The following FADS1 variants were observed in gnomAD, a reference collection of about 807,000 sequenced individuals.
FADS1 encodes the protein acyl-CoA (8-3)-desaturase.
In FADS1, 17 loss-of-function variants were observed where a neutral mutation model predicts 61.6. The observed-to-expected ratio is 0.28, with a 90% CI of 0.19 to 0.41. FADS1 has a LOEUF of 0.41. Among genes scored for constraint, FADS1 ranks in the 10% least tolerant of loss-of-function variants. The pLI, the probability that FADS1 is intolerant of heterozygous loss-of-function variation, is 1.00. For missense variants in FADS1, 387 were observed against 650.9 expected (o/e 0.59, Z 4.41); for synonymous variants, 238 against 258.7 (o/e 0.92, Z 0.77).
In FADS1 at chr11:61,802,602, G is replaced by T. The variant is rs2066864049; in HGVS notation, c.1455-140C>A. 2 of 1,188,238 alleles carry T rather than the reference G, an allele frequency of 1.7e-6. No homozygotes were observed. Among genetic ancestry groups the T allele is most frequent in the African/African-American group, 1.5e-5 (1 of 65,832 alleles). The allele number at this position is 1,188,238 out of a possible 1,614,324, so 73.6% of individuals were successfully genotyped here. ...TTTAGAGAAAGCTAGCTTGGGCCAT[G>T]GTACTGAGGGGAACCCCAATGAGGG... On this transcript the variant is annotated intron_variant, in intron 11 of 11. Transcript: ENST00000350997. The surrounding 1 kb of genome is among the most constrained non-coding windows in gnomAD (Gnocchi z 4.2).
intron 5 of FADS1, among the ~76,000 whole-genome samples, chr11:61,807,362 C>A (rs966028737): frequency 2.0e-5 from 3 of 152,200 alleles, no homozygotes; most frequent in Non-Finnish European, 2.9e-5. Context: ...GGCAGTGCGC[C>A]CGGCCGCCAT....
intron 5 of FADS1, among the ~76,000 whole-genome samples, chr11:61,809,320 A>G (rs1473032525): frequency 6.6e-6 from 1 of 151,364 alleles, no homozygotes; most frequent in Non-Finnish European, 1.5e-5. Flanking sequence ...TCTGTTTACA[A>G]TTTTTTTTTG....
rs1591148581 is a variant in FADS1 at position 61,801,502 on chromosome 11, G to A, written c.*909C>T. On this transcript the variant is annotated 3_prime_UTR_variant, in exon 12 of 12. Transcript: ENST00000350997. ...TAGCCAGCAACTCTCTCTACCATCT[G>A]TTTTGGTAAGAGCTAGCACCTCTTG... 1.3e-5 allele frequency: 2 copies of A among 152,484 alleles called. No homozygotes were observed. The highest frequency in any genetic ancestry group is 1.3e-4 in the Admixed American group (2 of 15,308). The allele number at this position is 152,484 out of a possible 1,614,324, so 9.4% of individuals were successfully genotyped here. A position where few individuals can be genotyped will look rare whatever the true frequency, so the allele number is the denominator to read the frequency against.
chr11:61,802,551 C>T lies in FADS1; in HGVS notation c.1455-89G>A. 1 of 1,341,364 alleles carries T rather than the reference C, an allele frequency of 7.5e-7. No homozygotes were observed. Among genetic ancestry groups the T allele is most frequent in the Non-Finnish European group, 1.0e-6 (1 of 957,602 alleles). 83.1% of individuals were successfully genotyped at this position (1,341,364 alleles called of 1,614,324 possible). On this transcript the variant is annotated intron_variant, in intron 11 of 11. Transcript: ENST00000350997. The surrounding 1 kb of genome is among the most constrained non-coding windows in gnomAD (Gnocchi z 4.2). ...GAGCAGTGAGGTTAAGGCCTTCTTC[C>T]ATCTGGAGGTTTTCCTCCCCTCTAC...
chr11:61,806,553 C>T (rs2066896053), intron 6 of FADS1, 111 bp downstream of exon 6: 2 of 980,894 alleles, frequency 2.0e-6, no homozygotes, highest in East Asian at 2.4e-5. Flanking sequence ...TGGGGTACTT[C>T]CTCTAGCCCC....
chr11:61,812,526 A>G lies in FADS1; in HGVS notation c.629T>C (p.Phe210Ser). Residue 210 changes from phenylalanine to serine, a missense_variant, in exon 3 of 12, where the codon TTT (phenylalanine) becomes TCT (serine). By Grantham distance (155) the Phe-to-Ser change is radical. Transcript: ENST00000350997. ...GAGGAAGGGCAAAAAGGACGTCCCAAAGACCCAAAGGGTGAGCCAGGCTGC... is the reference window on the plus strand; with the variant it reads ...GAGGAAGGGCAAAAAGGACGTCCCAGAGACCCAAAGGGTGAGCCAGGCTGC... Reference protein sequence around the residue: ...DGAAWLTLWVFGTSFLPFLLC... With the variant: ...DGAAWLTLWVSGTSFLPFLLC... 1 of 1,614,116 alleles carries G rather than the reference A, an allele frequency of 6.2e-7. No individual in the cohort carries two copies. The highest frequency in any genetic ancestry group is 8.5e-7 in the Non-Finnish European group (1 of 1,180,032).
At chr11:61,807,780 A>C (rs2066903761) in intron 5 of FADS1, among the ~76,000 whole-genome samples, 1 of 152,210 alleles carries the variant, frequency 6.6e-6, no homozygotes, top group African/African-American at 2.4e-5. Flanking sequence ...CCAGACAACC[A>C]CAAGGGCACA....
Position 61,800,498 on chromosome 11 carries a change from T to G in FADS1, c.*1913A>C, listed in dbSNP as rs2066848989. On this transcript the variant is annotated 3_prime_UTR_variant, in exon 12 of 12. Coordinates refer to ENST00000350997, the MANE Select transcript of FADS1 (RefSeq NM_013402.7). ...GTTGACAAACCTCTAATCTTCCATG[T>G]CTTTGTGTTGACAAACCTAACCTTC... 1 of 152,336 alleles carries G rather than the reference T, an allele frequency of 6.6e-6. No individual in the cohort carries two copies. The highest frequency in any genetic ancestry group is 1.5e-5 in the Non-Finnish European group (1 of 68,034). The allele number at this position is 152,336 out of a possible 1,614,324, so 9.4% of individuals were successfully genotyped here.
intron 3 of FADS1, 88 bp downstream of exon 3, chr11:61,812,383 G>A (rs1342452131): frequency 1.7e-6 from 2 of 1,207,522 alleles, no homozygotes; most frequent in Non-Finnish European, 2.4e-6. Flanking sequence ...TTGGAGGGCA[G>A]GCACTCTTGG....
intron 5 of FADS1, among the ~76,000 whole-genome samples, chr11:61,809,229 C>T (rs1591152553): frequency 6.6e-6 from 1 of 152,104 alleles, no homozygotes; most frequent in African/African-American, 2.4e-5. Context: ...TGTCGGCACC[C>T]GAAGGAGGCC....
At chr11:61,804,616 G>T in intron 7 of FADS1, 69 bp downstream of exon 7, 1 of 1,327,134 alleles carries the variant, frequency 7.5e-7, no homozygotes, top group East Asian at 2.3e-5. Flanking sequence ...GTTTCCCCTG[G>T]GGAACCCCTA....
chr11:61,813,382 G>A, intron 1 of FADS1, 29 bp from the exon 2 acceptor site: 1 of 1,365,888 alleles, frequency 7.3e-7, no homozygotes, highest in Non-Finnish European at 1.0e-6. Context: ...GATGAAAGGT[G>A]AGGGAGCCAG....
Position 61,803,791 on chromosome 11 carries a change from A to G in FADS1, c.1054-24T>C, listed in dbSNP as rs770295465. 3.2e-6 allele frequency: 5 copies of G among 1,563,240 alleles called. No homozygotes were observed. Among genetic ancestry groups the G allele is most frequent in the Admixed American group, 3.3e-5 (2 of 59,928 alleles). On this transcript the variant is annotated intron_variant, in intron 7 of 11. Transcript: ENST00000350997. The surrounding 1 kb of genome is among the most constrained non-coding windows in gnomAD (Gnocchi z 4.3). The stretch of plus-strand genomic sequence containing the variant: ...TCCTATAGTGAGAAAAGCAGCGAGC[A>G]TAACAGTCACGAACAACTCTTCCTC...
At position 61,816,645 on chromosome 11, in the gene FADS1, G is replaced by T; in HGVS notation, c.285C>A (p.Ile95=). 6.2e-7 allele frequency: 1 copy of T among 1,603,522 alleles called. No homozygotes were observed. The highest frequency in any genetic ancestry group is 1.1e-5 in the South Asian group (1 of 89,562). The change falls in exon 1 of 12, where the codon ATC becomes ATA. Residue 95 remains isoleucine, a synonymous_variant. Transcript: ENST00000350997. The surrounding 1 kb of genome is among the most constrained non-coding windows in gnomAD (Gnocchi z 7.0). ...CGCTGATGTTGTACACCTTACGGTC[G>T]ATCACTAGCCACCGCTCCTCGCACC... is the stretch of plus-strand genomic sequence containing the variant. The part of the protein sequence containing the change: ...RSGCEERWLV[I]DRKVYNISEF...
At position 61,802,163 on chromosome 11, in the gene FADS1, AAG is replaced by A. The variant is rs1230248917; in HGVS notation, c.*246_*247del. 1.9e-6 allele frequency: 1 copy of A among 514,072 alleles called. No individual in the cohort carries two copies. Among genetic ancestry groups the A allele is most frequent in the East Asian group, 3.3e-5 (1 of 30,600 alleles). 31.8% of individuals were successfully genotyped at this position (514,072 alleles called of 1,614,324 possible). ...CTACCTGCATGTGCCAAACTAGAAA[AAG>A]GAAATAATTTACACCCCTGCCCCAA... is the stretch of plus-strand genomic sequence containing the variant. On this transcript the variant is annotated 3_prime_UTR_variant, in exon 12 of 12. Coordinates refer to ENST00000350997, the MANE Select transcript of FADS1 (RefSeq NM_013402.7). This position sits in a 1 kb window ranked among gnomAD's most constrained non-coding sequence, Gnocchi z 4.2.
chr11:61,803,606 G>T lies in FADS1; in HGVS notation c.1151+64C>A. The stretch of plus-strand genomic sequence containing the variant: ...ACCCAAAGCCCCAGCACGGCCCCTA[G>T]ACCAGACTGGTCACTCCCCAACATT... On this transcript the variant is annotated intron_variant, in intron 8 of 11. Coordinates refer to ENST00000350997, the MANE Select transcript of FADS1 (RefSeq NM_013402.7). This position sits in a 1 kb window ranked among gnomAD's most constrained non-coding sequence, Gnocchi z 4.3. The T allele has an allele frequency of 1.4e-6, 2 of 1,451,148 alleles. No individual in the cohort carries two copies. The highest frequency in any genetic ancestry group is 1.1e-5 in the South Asian group (1 of 87,712). The allele number at this position is 1,451,148 out of a possible 1,614,324, so 89.9% of individuals were successfully genotyped here.
rs781674712 is a variant in FADS1, at chr11:61,803,786, C to T, written c.1054-19G>A. 1.8e-5 allele frequency: 28 copies of T among 1,577,934 alleles called. No individual in the cohort carries two copies. The highest frequency in any genetic ancestry group is 3.3e-4 in the Middle Eastern group (2 of 6,028). On this transcript the variant is annotated intron_variant, in intron 7 of 11. Coordinates refer to ENST00000350997, the MANE Select transcript of FADS1 (RefSeq NM_013402.7). This position sits in a 1 kb window ranked among gnomAD's most constrained non-coding sequence, Gnocchi z 4.3. Reference sequence around the variant, plus strand: ...CCAAGTCCTATAGTGAGAAAAGCAGCGAGCATAACAGTCACGAACAACTCT... The same window carrying T: ...CCAAGTCCTATAGTGAGAAAAGCAGTGAGCATAACAGTCACGAACAACTCT...
rs367574544 is a variant in FADS1 at position 61,810,775 on chromosome 11, G to A, written c.891C>T (p.Ala297=). 1.5e-5 allele frequency: 24 copies of A among 1,614,058 alleles called. No homozygotes were observed. The African/African-American group carries it at 3.1e-4, about 21-fold the overall frequency. ...CCTCCACAGAGAGGATCTTCCCCAA[G>A]GCAAAGAAGAAGGGATGCATGTTGA... ...PDINMHPFFF[A]LGKILSVELG... The change falls in exon 5 of 12, where the codon GCC becomes GCT. Residue 297 remains alanine, a synonymous_variant. Coordinates refer to ENST00000350997, the MANE Select transcript of FADS1 (RefSeq NM_013402.7).
chr11:61,811,077 TA>T lies in FADS1; in HGVS notation c.685-3del. ...ATGCTGCAGCCAGCCAGCCTGGGCCTAGGTGAGAAGAGTCAACACTGAGAGC... is the reference window on the plus strand; with the variant it reads ...ATGCTGCAGCCAGCCAGCCTGGGCCTGGTGAGAAGAGTCAACACTGAGAGC... On this transcript the variant is annotated splice_region_variant and splice_polypyrimidine_tract_variant and intron_variant, in intron 3 of 11. Coordinates refer to ENST00000350997, the MANE Select transcript of FADS1 (RefSeq NM_013402.7). The T allele has an allele frequency of 6.2e-7, 1 of 1,611,712 alleles. No individual in the cohort carries two copies. Among genetic ancestry groups the T allele is most frequent in the Non-Finnish European group, 8.5e-7 (1 of 1,179,500 alleles).
Sources: allele counts gnomAD v4.1 joint callset (sites outside exome capture counted in the v4.1 genomes callset), GRCh38; gene constraint gnomAD v4.1.1; non-coding constraint Gnocchi (gnomAD v3.1); transcripts MANE v1.5; gene names NCBI Gene and HGNC (gene_info 2026-07-23, HGNC 2026-07-21).